VPS37B: variants seen among roughly 807,000 people sequenced by gnomAD.
VPS37B encodes vacuolar protein sorting-associated protein 37B.
VPS37B carries 11 observed loss-of-function variants against 21.2 expected under a neutral mutation model. That is an observed-to-expected ratio of 0.52 (90% confidence interval 0.33 to 0.86). VPS37B has a LOEUF of 0.86. Ranked by LOEUF, VPS37B falls within the 40% of genes least tolerant of loss-of-function variation. The pLI, the probability that VPS37B is intolerant of heterozygous loss-of-function variation, is 0.03. For synonymous variants in VPS37B, 175 were observed against 159.6 expected, an observed-to-expected ratio of 1.10 and a Z score of -0.73; for missense variants, 389 against 374.8, an observed-to-expected ratio of 1.04 and a Z score of -0.31.
intron 1 of VPS37B, among the ~76,000 whole-genome samples, chr12:122,894,882 C>A (rs1416851587): frequency 4.6e-5 from 7 of 152,238 alleles, no homozygotes; most frequent in East Asian, 3.9e-4. Flanking sequence ...CAGCCCCAAA[C>A]CCCCATTTTA....
chr12:122,873,458 T>G (rs541131392), intron 1 of VPS37B: 1 of 152,368 alleles, frequency 6.6e-6, no homozygotes, highest in South Asian at 2.1e-4. Context: ...CCCACAGTTC[T>G]GTGTGTTCCA....
chr12:122,882,797 C>A (rs949872850), intron 1 of VPS37B: 11 of 152,318 alleles, frequency 7.2e-5, no homozygotes, highest in African/African-American at 2.6e-4. Flanking sequence ...AAAAGATATT[C>A]CCAATGACAA....
rs1020266650 is a variant in VPS37B, at chr12:122,868,244, G to A, written c.366+236C>T. On this transcript the variant is annotated intron_variant, in intron 3 of 3. Transcript: ENST00000267202. This position sits in a 1 kb window ranked among gnomAD's most constrained non-coding sequence, Gnocchi z 5.5. ...GGGGCCGGCGTTCACAGGGTGGCAC[G>A]CATGCCCTCTCTTGGCCCTCGCTCG... Among the ~76,000 whole-genome samples the A allele has an allele frequency of 3.9e-5, 6 of 151,996 alleles. No individual in the cohort carries two copies. The highest frequency in any genetic ancestry group is 7.2e-5 in the African/African-American group (3 of 41,394).
At chr12:122,875,223 A>ATTTTTTTTTTTTTTTTT (rs34993068) in intron 1 of VPS37B, 3 of 96,030 alleles carry the variant, frequency 3.1e-5, no homozygotes, top group Non-Finnish European at 6.0e-5. Context: ...CACCTGGCTA[A>ATTTTTTTTTTTTTTTTT]TTTTTTTTTT....
At position 122,871,376 on chromosome 12, in the gene VPS37B, T is replaced by C. The variant is rs2135699453; in HGVS notation, c.112-315A>G. The C allele has an allele frequency of 2.8e-6, 3 of 1,079,724 alleles. No homozygotes were observed. In the South Asian group the frequency reaches 1.2e-4, roughly 43 times the overall value. The allele number at this position is 1,079,724 out of a possible 1,614,324, so 66.9% of individuals were successfully genotyped here. Reference sequence around the variant, plus strand: ...GACTTGAATTCCTTACTACGGCCATTGTGCTTGCAGAAGTAAACAGCTGTA... The same window carrying C: ...GACTTGAATTCCTTACTACGGCCATCGTGCTTGCAGAAGTAAACAGCTGTA... On this transcript the variant is annotated intron_variant, in intron 1 of 3. Coordinates refer to ENST00000267202, the MANE Select transcript of VPS37B (RefSeq NM_024667.3).
In VPS37B at chr12:122,868,408, G is replaced by A; in HGVS notation, c.366+72C>T. On this transcript the variant is annotated intron_variant, in intron 3 of 3. Coordinates refer to ENST00000267202, the MANE Select transcript of VPS37B (RefSeq NM_024667.3). This position sits in a 1 kb window ranked among gnomAD's most constrained non-coding sequence, Gnocchi z 5.5. ...TGGCCGTGGCGGTGTGGCACTCACGGTCCCTGGAGGCAGCGGGCCCACGGA... is the reference window on the plus strand; with the variant it reads ...TGGCCGTGGCGGTGTGGCACTCACGATCCCTGGAGGCAGCGGGCCCACGGA... The A allele has an allele frequency of 7.0e-7, 1 of 1,427,922 alleles. No individual in the cohort carries two copies. The highest frequency in any genetic ancestry group is 9.7e-7 in the Non-Finnish European group (1 of 1,028,872). 88.5% of individuals were successfully genotyped at this position (1,427,922 alleles called of 1,614,324 possible).
chr12:122,896,097 C>T lies in VPS37B; in HGVS notation c.-35G>A, dbSNP rs911747209. The T allele has an allele frequency of 3.9e-6, 6 of 1,530,300 alleles. No homozygotes were observed. The highest frequency in any genetic ancestry group is 1.4e-5 in the African/African-American group (1 of 69,676). 94.8% of individuals were successfully genotyped at this position (1,530,300 alleles called of 1,614,324 possible). A position where few individuals can be genotyped will look rare whatever the true frequency, so the allele number is the denominator to read the frequency against. ...TCGGCCGTCGTCGCCACCGCCGCTG[C>T]GGCCACCAGGCTCCGCCGACCGGAA... On this transcript the variant is annotated 5_prime_UTR_variant, in exon 1 of 4. Transcript: ENST00000267202.
intron 1 of VPS37B, chr12:122,882,455 CT>C (rs1219118020): frequency 6.6e-6 from 1 of 152,122 alleles, no homozygotes; most frequent in African/African-American, 2.4e-5. Flanking sequence ...TGATTTTCAC[CT>C]TTTCCTCTCC....
At chr12:122,880,488 G>A (rs2034230650) in intron 1 of VPS37B, 1 of 152,114 alleles carries the variant, frequency 6.6e-6, no homozygotes, top group Non-Finnish European at 1.5e-5. Context: ...ATATCAGAAT[G>A]TTAGAGTAGC....
At chr12:122,871,133 A>C (rs1593908063) in intron 1 of VPS37B, 72 bp from the exon 2 acceptor site, 2 of 1,560,760 alleles carry the variant, frequency 1.3e-6, no homozygotes, top group South Asian at 2.4e-5. Flanking sequence ...CCCCACGCAC[A>C]CCCCAGGAGC....
chr12:122,894,110 T>C (rs2034454662), intron 1 of VPS37B, among the ~76,000 whole-genome samples: 1 of 152,178 alleles, frequency 6.6e-6, no homozygotes, highest in African/African-American at 2.4e-5. Context: ...AATATACCTA[T>C]CATTTTATTA....
rs1476665169 is a variant in VPS37B, at chr12:122,865,536, C to G, written c.*1580G>C. 3.3e-5 allele frequency: 5 copies of G among 152,298 alleles called. No individual in the cohort carries two copies. Among genetic ancestry groups the G allele is most frequent in the African/African-American group, 1.2e-4 (5 of 41,472 alleles). The allele number at this position is 152,298 out of a possible 1,614,324, so 9.4% of individuals were successfully genotyped here. On this transcript the variant is annotated 3_prime_UTR_variant, in exon 4 of 4. Coordinates refer to ENST00000267202, the MANE Select transcript of VPS37B (RefSeq NM_024667.3). Reference sequence around the variant, plus strand: ...GTATGGGGGCGGGTGGCACCGCTCACTCGAGATTCACAGAACATGGCAAGC... The same window carrying G: ...GTATGGGGGCGGGTGGCACCGCTCAGTCGAGATTCACAGAACATGGCAAGC...
At chr12:122,872,688 AAACCACTGT>A (rs956345892) in intron 1 of VPS37B, 2 of 985,274 alleles carry the variant, frequency 2.0e-6, no homozygotes, top group African/African-American at 3.5e-5. Flanking sequence ...GAACAAACAA[AAACCACTGT>A]ATGGCCACTC....
Position 122,865,642 on chromosome 12 carries a change from G to T in VPS37B, c.*1474C>A, listed in dbSNP as rs1287766123. On this transcript the variant is annotated 3_prime_UTR_variant, in exon 4 of 4. Coordinates refer to ENST00000267202, the MANE Select transcript of VPS37B (RefSeq NM_024667.3). ...AACAGTTACAGTAGAGTTCAAGTCC[G>T]AGAGCAGGAATGTACGGTCACTGAG... 2.6e-5 allele frequency: 4 copies of T among 152,300 alleles called. No individual in the cohort carries two copies. The highest frequency in any genetic ancestry group is 5.9e-5 in the Non-Finnish European group (4 of 68,068). The allele number at this position is 152,300 out of a possible 1,614,324, so 9.4% of individuals were successfully genotyped here.
At chr12:122,879,796 G>A (rs1183189031) in intron 1 of VPS37B, 4 of 152,014 alleles carry the variant, frequency 2.6e-5, no homozygotes, top group Admixed American at 2.6e-4. Context: ...CAGTACCCAG[G>A]CTAACACAGG....
At chr12:122,885,329 A>G (rs1263660694) in intron 1 of VPS37B, 1 of 152,172 alleles carries the variant, frequency 6.6e-6, no homozygotes, top group Non-Finnish European at 1.5e-5. Flanking sequence ...TGTTAACTGC[A>G]TTATAATTTA....
At chr12:122,871,797 G>C in intron 1 of VPS37B, 1 of 966,612 alleles carries the variant, frequency 1.0e-6, no homozygotes, top group Non-Finnish European at 1.2e-6. Context: ...GACAGGAGTA[G>C]AAGGTCTGAG....
At chr12:122,880,001 T>G (rs1455030038) in intron 1 of VPS37B, 6 of 152,092 alleles carry the variant, frequency 3.9e-5, no homozygotes, top group Admixed American at 3.9e-4. Flanking sequence ...TCTCAGCTAC[T>G]TGGGAGGCTG....
At chr12:122,893,329 T>A (rs2135714623) in intron 1 of VPS37B, among the ~76,000 whole-genome samples, 1 of 152,314 alleles carries the variant, frequency 6.6e-6, no homozygotes, top group South Asian at 2.1e-4. Context: ...TGTCATATTA[T>A]CCTTTTCCAA....
Sources: gnomAD v4.1 joint callset for allele counts (sites outside exome capture counted in the v4.1 genomes callset) on GRCh38, gnomAD v4.1.1 for gene constraint, Gnocchi (gnomAD v3.1) non-coding constraint, MANE v1.5 for transcripts, NCBI Gene and HGNC (gene_info 2026-07-23, HGNC 2026-07-21) for gene names.